LRRTM4: variants seen among roughly 807,000 people sequenced by gnomAD.
LRRTM4 encodes leucine rich repeat transmembrane neuronal 4.
In LRRTM4, 25 loss-of-function variants were observed where a neutral mutation model predicts 47.6. The observed-to-expected ratio is 0.53, with a 90% confidence interval of 0.38 to 0.73. LRRTM4 has a LOEUF of 0.73. Among genes scored for constraint, LRRTM4 ranks in the 30% least tolerant of loss-of-function variants. The pLI, the probability that LRRTM4 is intolerant of heterozygous loss-of-function variation, is 0.00. For missense variants in LRRTM4, 638 were observed against 713.4 expected, an observed-to-expected ratio of 0.89 and a Z score of 1.20; for synonymous variants, 311 against 269.5, an observed-to-expected ratio of 1.15 and a Z score of -1.51.
At chr2:77,195,853 G>A (rs1228027083) in intron 3 of LRRTM4, among the ~76,000 whole-genome samples, 1 of 152,072 alleles carries the variant, frequency 6.6e-6, no homozygotes, top group East Asian at 1.9e-4. Flanking sequence ...TGAGTCCCAA[G>A]GTTCAAACAA....
intron 3 of LRRTM4, among the ~76,000 whole-genome samples, chr2:77,331,163 AT>A (rs1218587860): frequency 1.3e-5 from 2 of 152,140 alleles, no homozygotes; most frequent in Admixed American, 6.6e-5. Flanking sequence ...GTTTCTTCTT[AT>A]TCTATTTTTC....
intron 3 of LRRTM4, among the ~76,000 whole-genome samples, chr2:77,049,845 C>G (rs1225034178): frequency 6.6e-6 from 1 of 151,914 alleles, no homozygotes; most frequent in African/African-American, 2.4e-5. Context: ...TTTTTGAGAT[C>G]TTGTTCATGA....
intron 3 of LRRTM4, among the ~76,000 whole-genome samples, chr2:77,291,753 G>A (rs1022633584): frequency 2.0e-5 from 3 of 151,862 alleles, no homozygotes; most frequent in Admixed American, 6.6e-5. Flanking sequence ...TATTTTGAAT[G>A]ACAAAAATTA....
intron 3 of LRRTM4, among the ~76,000 whole-genome samples, chr2:77,338,800 G>A (rs183237580): frequency 6.6e-5 from 10 of 152,032 alleles, no homozygotes; most frequent in African/African-American, 1.7e-4. Context: ...ACCTGCACTC[G>A]TATGTTTATT....
chr2:77,484,626 C>A (rs1297935952), intron 3 of LRRTM4, among the ~76,000 whole-genome samples: 2 of 152,108 alleles, frequency 1.3e-5, no homozygotes, highest in African/African-American at 4.8e-5. Flanking sequence ...TGTTTAAATG[C>A]ATAATTATGG....
At chr2:77,239,813 G>A (rs1675207849) in intron 3 of LRRTM4, among the ~76,000 whole-genome samples, 2 of 151,766 alleles carry the variant, frequency 1.3e-5, no homozygotes, top group South Asian at 4.1e-4. Flanking sequence ...AAATTTGGTT[G>A]AGGTCTTCAG....
At chr2:77,300,884 A>T (rs1226604455) in intron 3 of LRRTM4, among the ~76,000 whole-genome samples, 2 of 152,248 alleles carry the variant, frequency 1.3e-5, no homozygotes, top group South Asian at 4.1e-4. Flanking sequence ...AGTAAAAGGA[A>T]GATGTAAGTC....
chr2:77,032,811 T>C (rs1258198440), intron 3 of LRRTM4, among the ~76,000 whole-genome samples: 3 of 152,138 alleles, frequency 2.0e-5, no homozygotes, highest in Non-Finnish European at 2.9e-5. Flanking sequence ...AATAATGATA[T>C]GTTTGGAAAT....
chr2:77,473,986 G>A (rs1233500121), intron 3 of LRRTM4, among the ~76,000 whole-genome samples: 6 of 152,014 alleles, frequency 3.9e-5, no homozygotes, highest in Admixed American at 1.3e-4. Context: ...AATGTGAGCC[G>A]GGTGGATGTG....
chr2:76,754,522 C>T (rs550149948), intron 3 of LRRTM4, among the ~76,000 whole-genome samples: 2 of 152,150 alleles, frequency 1.3e-5, no homozygotes, highest in Non-Finnish European at 2.9e-5. Context: ...TCCTGTCAAT[C>T]AAACATGCCT....
At chr2:77,343,301 A>G (rs1414680924) in intron 3 of LRRTM4, among the ~76,000 whole-genome samples, 1 of 151,984 alleles carries the variant, frequency 6.6e-6, no homozygotes, top group Non-Finnish European at 1.5e-5. Flanking sequence ...TGGTCTTGTC[A>G]TAAAATAGAT....
At chr2:76,821,770 T>TC (rs201235197) in intron 3 of LRRTM4, among the ~76,000 whole-genome samples, 5 of 151,214 alleles carry the variant, frequency 3.3e-5, no homozygotes, top group South Asian at 2.1e-4. Context: ...GTGTTTTTTT[T>TC]CCCAAATGTC....
intron 3 of LRRTM4, among the ~76,000 whole-genome samples, chr2:77,064,959 T>C (rs890149637): frequency 1.3e-5 from 2 of 152,148 alleles, no homozygotes; most frequent in African/African-American, 4.8e-5. Context: ...AGTCCTTAGA[T>C]ATTATATGAC....
At chr2:76,771,460 G>A (rs139250569) in intron 3 of LRRTM4, among the ~76,000 whole-genome samples, 110 of 152,198 alleles carry the variant, frequency 7.2e-4, no homozygotes, top group African/African-American at 2.6e-3. Flanking sequence ...GAGGTGAGGT[G>A]GGACAGTAGC....
chr2:77,099,439 CTATA>C (rs930612233), intron 3 of LRRTM4, among the ~76,000 whole-genome samples: 1 of 151,660 alleles, frequency 6.6e-6, no homozygotes, highest in African/African-American at 2.4e-5. Context: ...TTTAAGGAGA[CTATA>C]TATATTTGGG....
intron 3 of LRRTM4, among the ~76,000 whole-genome samples, chr2:77,072,193 T>C (rs1048387166): frequency 2.6e-5 from 4 of 152,130 alleles, no homozygotes; most frequent in African/African-American, 9.7e-5. Context: ...AGATTGAGAA[T>C]AATGACTCCA....
At chr2:77,003,850 T>C (rs902887176) in intron 3 of LRRTM4, among the ~76,000 whole-genome samples, 6 of 152,132 alleles carry the variant, frequency 3.9e-5, no homozygotes, top group Non-Finnish European at 1.5e-5. Flanking sequence ...TCTTAGAGAC[T>C]TGTTGAATGG....
At chr2:77,223,110 C>A (rs1008917097) in intron 3 of LRRTM4, among the ~76,000 whole-genome samples, 3 of 152,116 alleles carry the variant, frequency 2.0e-5, no homozygotes, top group African/African-American at 7.2e-5. Flanking sequence ...AAAAAAACCA[C>A]ACAATTATAC....
chr2:77,008,716 G>A (rs141523071), intron 3 of LRRTM4, among the ~76,000 whole-genome samples: 6 of 152,044 alleles, frequency 3.9e-5, no homozygotes, highest in African/African-American at 7.2e-5. Flanking sequence ...TCAACTCAGC[G>A]AATTTATTGC....
Sources: allele counts gnomAD v4.1 joint callset (sites outside exome capture counted in the v4.1 genomes callset), GRCh38; gene constraint gnomAD v4.1.1; transcripts MANE v1.5; gene names NCBI Gene and HGNC (gene_info 2026-07-23, HGNC 2026-07-21).